Variants in TMEM74 observed in about 807,000 individuals in gnomAD.
The protein encoded by TMEM74 is transmembrane protein 74.
Under a neutral mutation model 18.1 loss-of-function variants are expected in TMEM74, and 13 were observed. That is an observed-to-expected ratio of 0.72 (90% CI 0.47 to 1.14). The LOEUF (loss-of-function observed/expected upper bound fraction) is 1.14, where lower values mean the gene tolerates loss of function less well. Ranked by LOEUF, TMEM74 falls within the 50% of genes most tolerant of loss-of-function variation. TMEM74 has a pLI of 0.00. For missense variants in TMEM74, 372 were observed against 375.9 expected (o/e 0.99, Z 0.09); for synonymous variants, 159 against 146.6 (o/e 1.08, Z -0.61).
intron 2 of TMEM74, among the ~76,000 whole-genome samples, chr8:108,645,339 T>A (rs1285090234): frequency 6.6e-6 from 1 of 152,028 alleles, no homozygotes; most frequent in Non-Finnish European, 1.5e-5. Context: ...AAATTGACAC[T>A]GGAAACTCCA....
At chr8:108,671,094 G>T (rs1336937859) in intron 1 of TMEM74, among the ~76,000 whole-genome samples, 1 of 152,156 alleles carries the variant, frequency 6.6e-6, no homozygotes, top group Admixed American at 6.5e-5. Context: ...CCTGATGAGG[G>T]TTCATACAAA....
chr8:108,699,310 A>G (rs1303232993), intron 1 of TMEM74, among the ~76,000 whole-genome samples: 1 of 151,158 alleles, frequency 6.6e-6, no homozygotes, highest in Non-Finnish European at 1.5e-5. Flanking sequence ...CAGTGTCTGT[A>G]ACACTATGTG....
intron 1 of TMEM74, among the ~76,000 whole-genome samples, chr8:108,771,147 T>C (rs1026384562): frequency 4.6e-5 from 7 of 152,216 alleles, no homozygotes; most frequent in African/African-American, 1.7e-4. Context: ...TTTTGTTTCC[T>C]CATTTCAAAG....
At chr8:108,700,149 G>GTC in intron 1 of TMEM74, among the ~76,000 whole-genome samples, 1 of 151,820 alleles carries the variant, frequency 6.6e-6, no homozygotes, top group African/African-American at 2.4e-5. Context: ...GTGTGTGTGT[G>GTC]TGTGTGTGTG....
rs1554630295 is a variant in TMEM74 at position 108,657,879 on chromosome 8, T to TATTAATTAC, written n.120-2443_120-2442insGTAATTAAT. Among the ~76,000 whole-genome samples, 25 of 82,722 alleles carry TATTAATTAC rather than the reference T, an allele frequency of 3.0e-4. 1 individual carries two copies. Among genetic ancestry groups the TATTAATTAC allele is most frequent in the East Asian group, 2.2e-3 (5 of 2,280 alleles). The allele number at this position is 82,722 out of a possible 152,430, so 54.3% of individuals were successfully genotyped here. A position where few individuals can be genotyped will look rare whatever the true frequency, so the allele number is the denominator to read the frequency against. On this transcript the variant is annotated intron_variant and non_coding_transcript_variant, in intron 1 of 3. Coordinates refer to the TMEM74 transcript ENST00000518838. The stretch of plus-strand genomic sequence containing the variant: ...AAAAAAATATATATATATATATATA[T>TATTAATTAC]ATATATATATATATATATATATATT...
intron 1 of TMEM74, among the ~76,000 whole-genome samples, chr8:108,666,461 A>AG (rs1396532689): frequency 6.6e-6 from 1 of 152,178 alleles, no homozygotes; most frequent in African/African-American, 2.4e-5. Context: ...GTTCCCCACC[A>AG]GGGGGCTTCC....
At chr8:108,724,959 C>G (rs1813620860) in intron 1 of TMEM74, among the ~76,000 whole-genome samples, 1 of 152,218 alleles carries the variant, frequency 6.6e-6, no homozygotes, top group Non-Finnish European at 1.5e-5. Context: ...TTTTCTTCAG[C>G]CTCTAGGCCC....
chr8:108,659,205 G>A (rs546531160), intron 1 of TMEM74, among the ~76,000 whole-genome samples: 1 of 152,100 alleles, frequency 6.6e-6, no homozygotes, highest in East Asian at 1.9e-4. Context: ...GAGATGCTGA[G>A]GTAAGATGTG....
intron 2 of TMEM74, among the ~76,000 whole-genome samples, chr8:108,627,378 T>C (rs1364530429): frequency 2.0e-5 from 3 of 151,964 alleles, no homozygotes; most frequent in African/African-American, 4.8e-5. Context: ...TTTAGAACAA[T>C]ACAGAAGGAA....
chr8:108,785,526 A>T (rs1044054325), intron 1 of TMEM74, among the ~76,000 whole-genome samples: 2 of 152,220 alleles, frequency 1.3e-5, no homozygotes, highest in Non-Finnish European at 2.9e-5. Context: ...AGCCCTTTTT[A>T]GCAGAGCTGC....
intron 1 of TMEM74, among the ~76,000 whole-genome samples, chr8:108,762,216 A>G (rs1814052734): frequency 6.6e-6 from 1 of 152,080 alleles, no homozygotes; most frequent in South Asian, 2.1e-4. Flanking sequence ...CACCTAACTA[A>G]CATTTCAGAG....
At chr8:108,639,345 G>A (rs967219316) in intron 2 of TMEM74, among the ~76,000 whole-genome samples, 3 of 152,046 alleles carry the variant, frequency 2.0e-5, no homozygotes, top group African/African-American at 7.2e-5. Flanking sequence ...TGACTCTAAG[G>A]CTCATGAGCT....
intron 1 of TMEM74, among the ~76,000 whole-genome samples, chr8:108,686,886 C>A (rs998616169): frequency 6.6e-6 from 1 of 152,100 alleles, no homozygotes; most frequent in African/African-American, 2.4e-5. Flanking sequence ...GAGTAATCAA[C>A]ACTCCCATAA....
chr8:108,692,532 G>A (rs1303838074), intron 1 of TMEM74, among the ~76,000 whole-genome samples: 1 of 152,058 alleles, frequency 6.6e-6, no homozygotes, highest in African/African-American at 2.4e-5. Context: ...AATAACCAAT[G>A]AGAAGCAGAT....
chr8:108,668,852 G>A (rs10955494), intron 1 of TMEM74, among the ~76,000 whole-genome samples: 47 of 151,686 alleles, frequency 3.1e-4, no homozygotes, highest in South Asian at 6.2e-4. Context: ...GTTTTTTCCC[G>A]TCCTCCAGAA....
chr8:108,641,858 T>A (rs1407683826), intron 2 of TMEM74, among the ~76,000 whole-genome samples: 1 of 152,174 alleles, frequency 6.6e-6, no homozygotes, highest in African/African-American at 2.4e-5. Flanking sequence ...ATTCCATCTT[T>A]ATTTTTCATG....
intron 2 of TMEM74, among the ~76,000 whole-genome samples, chr8:108,627,404 C>T (rs1470058501): frequency 2.0e-5 from 3 of 151,982 alleles, no homozygotes; most frequent in African/African-American, 7.2e-5. Context: ...ATTCTTGCTT[C>T]ACCATAGTTG....
chr8:108,765,415 T>G (rs1814094681), intron 1 of TMEM74, among the ~76,000 whole-genome samples: 3 of 148,936 alleles, frequency 2.0e-5, no homozygotes, highest in Non-Finnish European at 4.5e-5. Flanking sequence ...TACTTTTTTT[T>G]TTTTTTTTTT....
At chr8:108,608,646 T>A (rs921512549) in intron 3 of TMEM74, 3 of 152,220 alleles carry the variant, frequency 2.0e-5, no homozygotes, top group African/African-American at 7.2e-5. Flanking sequence ...TCCCAGAACC[T>A]TGAGGAAACT....
Sources: gnomAD v4.1 joint callset for allele counts (sites outside exome capture counted in the v4.1 genomes callset) on GRCh38, gnomAD v4.1.1 for gene constraint, MANE v1.5 for transcripts, NCBI Gene and HGNC (gene_info 2026-07-23, HGNC 2026-07-21) for gene names.